PTPRM: variants seen among roughly 807,000 people sequenced by gnomAD.
PTPRM encodes receptor-type tyrosine-protein phosphatase mu.
In PTPRM, 47 loss-of-function variants were observed where a neutral mutation model predicts 186.7. That is an observed-to-expected ratio of 0.25 (90% CI 0.20 to 0.32). The LOEUF (loss-of-function observed/expected upper bound fraction) is 0.32, where lower values mean the gene tolerates loss of function less well. PTPRM is among the 10% of genes least tolerant of loss of function. The pLI is 1.00. For missense variants in PTPRM, 1,494 were observed against 1,865.0 expected (o/e 0.80, Z 3.66); for synonymous variants, 668 against 674.9 (o/e 0.99, Z 0.16).
intron 1 of PTPRM, among the ~76,000 whole-genome samples, chr18:7,773,876 G>A (rs949715569): frequency 1.3e-5 from 2 of 152,132 alleles, no homozygotes; most frequent in Admixed American, 6.5e-5. Flanking sequence ...CACCATGCCC[G>A]GCCAGATCTT....
intron 1 of PTPRM, among the ~76,000 whole-genome samples, chr18:7,701,637 AAGG>A (rs2039969829): frequency 1.3e-5 from 2 of 152,088 alleles, no homozygotes; most frequent in Admixed American, 6.5e-5. Flanking sequence ...TTGAGGAGAG[AAGG>A]AGACTATTAT....
chr18:7,942,749 A>T (rs1255939734), intron 5 of PTPRM, among the ~76,000 whole-genome samples: 1 of 152,112 alleles, frequency 6.6e-6, no homozygotes, highest in Non-Finnish European at 1.5e-5. Context: ...ATTTTGGGGT[A>T]CCATTTCCTG....
At chr18:8,181,070 T>C (rs1330864587) in intron 14 of PTPRM, among the ~76,000 whole-genome samples, 2 of 152,192 alleles carry the variant, frequency 1.3e-5, no homozygotes, top group Admixed American at 6.5e-5. Flanking sequence ...GACTCAAGTA[T>C]GGAGGCATAC....
chr18:7,657,629 G>A (rs939874183), intron 1 of PTPRM, among the ~76,000 whole-genome samples: 1 of 152,172 alleles, frequency 6.6e-6, no homozygotes, highest in African/African-American at 2.4e-5. Flanking sequence ...GATTTTGCAT[G>A]AGCTGAGCCA....
At chr18:8,197,042 A>G (rs754917769) in intron 14 of PTPRM, among the ~76,000 whole-genome samples, 3 of 152,220 alleles carry the variant, frequency 2.0e-5, no homozygotes, top group Non-Finnish European at 2.9e-5. Context: ...AAGCACTTCA[A>G]GGTAAAGGAC....
At chr18:7,886,086 A>G (rs1288235034) in intron 2 of PTPRM, among the ~76,000 whole-genome samples, 1 of 152,206 alleles carries the variant, frequency 6.6e-6, no homozygotes, top group African/African-American at 2.4e-5. Context: ...TTGTTCATTC[A>G]GACGTGACCT....
At chr18:8,143,127 A>G (rs1435793873) in intron 13 of PTPRM, among the ~76,000 whole-genome samples, 1 of 152,156 alleles carries the variant, frequency 6.6e-6, no homozygotes, top group South Asian at 2.1e-4. Flanking sequence ...GCAGGGGGAA[A>G]AAACTCTATT....
intron 1 of PTPRM, among the ~76,000 whole-genome samples, chr18:7,587,049 G>T (rs2036996834): frequency 6.6e-6 from 1 of 151,918 alleles, no homozygotes; most frequent in Non-Finnish European, 1.5e-5. Flanking sequence ...TTACTTATCA[G>T]GCTTCTCTGT....
chr18:8,402,946 A>G (rs1461431216), intron 32 of PTPRM: 1 of 152,256 alleles, frequency 6.6e-6, no homozygotes, highest in Non-Finnish European at 1.5e-5. Context: ...GCACTAGGAG[A>G]TAATTTAAGG....
chr18:7,763,672 A>G (rs1356102379), intron 1 of PTPRM, among the ~76,000 whole-genome samples: 1 of 152,216 alleles, frequency 6.6e-6, no homozygotes, highest in East Asian at 1.9e-4. Context: ...CTTTTTCCTT[A>G]TAATTTGATT....
chr18:7,809,445 C>T (rs145620790), intron 2 of PTPRM, among the ~76,000 whole-genome samples: 1 of 152,104 alleles, frequency 6.6e-6, no homozygotes, highest in East Asian at 1.9e-4. Flanking sequence ...GCTGGGACCG[C>T]TCTTCTCCCC....
intron 2 of PTPRM, among the ~76,000 whole-genome samples, chr18:7,832,255 G>C (rs185477588): frequency 3.9e-5 from 6 of 152,258 alleles, no homozygotes; most frequent in African/African-American, 1.4e-4. Flanking sequence ...TGTATATGAA[G>C]GTTCCCTTTT....
chr18:7,891,352 AT>A (rs10657422), intron 3 of PTPRM, among the ~76,000 whole-genome samples: 39 of 148,364 alleles, frequency 2.6e-4, no homozygotes, highest in Non-Finnish European at 2.2e-4. Flanking sequence ...TAACAGGTAA[AT>A]TTTTTTTTTT....
chr18:7,848,964 C>G (rs754833758), intron 2 of PTPRM, among the ~76,000 whole-genome samples: 2 of 151,964 alleles, frequency 1.3e-5, no homozygotes, highest in Non-Finnish European at 2.9e-5. Context: ...TTCATATAAA[C>G]AAAATACTAG....
At chr18:8,126,027 A>ATATATATTTTTTTTTTTTT (rs57751538) in intron 13 of PTPRM, among the ~76,000 whole-genome samples, 3 of 69,538 alleles carry the variant, frequency 4.3e-5, no homozygotes, top group Non-Finnish European at 8.5e-5. Context: ...ATATATATAT[A>ATATATATTTTTTTTTTTTT]TTTTAAATCA....
At position 8,161,460 on chromosome 18, in the gene PTPRM, G is replaced by C. The variant is rs142182881; in HGVS notation, c.2300+17681G>C. Among the ~76,000 whole-genome samples the C allele has an allele frequency of 5.9e-3, 905 of 152,162 alleles. 4 individuals carry two copies. The highest frequency in any genetic ancestry group is 0.02 in the African/African-American group (847 of 41,528). ...AGAGTGTGGTGAGAAGGCACCCACT[G>C]TCCAGCTTCAGGCAAGTATATTACA... On this transcript the variant is annotated intron_variant, in intron 14 of 32. Transcript: ENST00000580170.
In PTPRM at chr18:8,398,367, AGAG is replaced by A. The variant is rs567236340; in HGVS notation, c.4344+3757_4344+3759del. Among the ~76,000 whole-genome samples, 536 of 152,290 alleles carry A rather than the reference AGAG, an allele frequency of 3.5e-3. 13 individuals are homozygous for A. The highest frequency in any genetic ancestry group is 1.1e-3 in the Non-Finnish European group (74 of 68,022). Reference sequence around the variant, plus strand: ...TGCAGCATCACTGGGCATTGATGCAAGAGAAGTAGAAGATACAGTCTCTCCCAC... The same window carrying A: ...TGCAGCATCACTGGGCATTGATGCAAAAGTAGAAGATACAGTCTCTCCCAC... On this transcript the variant is annotated intron_variant, in intron 32 of 32. Coordinates refer to ENST00000580170, the MANE Select transcript of PTPRM (RefSeq NM_001105244.2).
At chr18:8,343,796 C>G (rs1856253195) in intron 23 of PTPRM, among the ~76,000 whole-genome samples, 1 of 152,224 alleles carries the variant, frequency 6.6e-6, no homozygotes, top group South Asian at 2.1e-4. Flanking sequence ...TACCTCTAAG[C>G]ATGAATGCTG....
chr18:7,633,775 C>T (rs1320015749), intron 1 of PTPRM, among the ~76,000 whole-genome samples: 1 of 152,172 alleles, frequency 6.6e-6, no homozygotes, highest in Non-Finnish European at 1.5e-5. Context: ...TTGGAGTCAT[C>T]CTGATTCCTG....
Sources: gnomAD v4.1 joint callset for allele counts (sites outside exome capture counted in the v4.1 genomes callset) on GRCh38, gnomAD v4.1.1 for gene constraint, MANE v1.5 for transcripts, NCBI Gene and HGNC (gene_info 2026-07-23, HGNC 2026-07-21) for gene names.